Variants in DTX2 observed in about 807,000 individuals in gnomAD.
The protein encoded by DTX2 is probable E3 ubiquitin-protein ligase DTX2.
A neutral mutation model predicts 55.3 loss-of-function variants in DTX2; 29 were observed. The ratio of observed to expected loss-of-function variants is 0.52; its 90% CI spans 0.39 to 0.71. The LOEUF (loss-of-function observed/expected upper bound fraction) is 0.71. Ranked by LOEUF, DTX2 falls within the 30% of genes least tolerant of loss-of-function variation. DTX2 has a pLI of 0.00. For missense variants in DTX2, 537 were observed against 822.5 expected (o/e 0.65, Z 4.25); for synonymous variants, 276 against 340.4 (o/e 0.81, Z 2.08).
At chr7:76,482,443 A>G in intron 3 of DTX2, 65 bp from the exon 4 acceptor site, 1 of 1,501,344 alleles carries the variant, frequency 6.7e-7, no homozygotes, top group Non-Finnish European at 8.9e-7. Flanking sequence ...TGAAAAAAGA[A>G]TTTGAACGTT....
intron 6 of DTX2, among the ~76,000 whole-genome samples, chr7:76,498,835 A>AGGGTGTGTG (rs1436314030): frequency 1.0e-5 from 1 of 95,438 alleles, no homozygotes; most frequent in Non-Finnish European, 2.0e-5. Flanking sequence ...TGTAGAGGTG[A>AGGGTGTGTG]GGGTGTGTGG....
At chr7:76,486,909 C>G (rs1302867782) in intron 4 of DTX2, among the ~76,000 whole-genome samples, 1 of 111,974 alleles carries the variant, frequency 8.9e-6, no homozygotes, top group Non-Finnish European at 1.9e-5. Context: ...AAAGAACTCA[C>G]TTCCTCTTCC....
chr7:76,480,806 T>C, intron 3 of DTX2, 29 bp downstream of exon 3: 1 of 1,553,854 alleles, frequency 6.4e-7, no homozygotes, highest in Non-Finnish European at 8.7e-7. Context: ...CTCGCACATA[T>C]CTGGGTGCCG....
intron 2 of DTX2, among the ~76,000 whole-genome samples, chr7:76,472,715 C>T (rs1808079964): frequency 6.7e-6 from 1 of 149,796 alleles, no homozygotes; most frequent in Non-Finnish European, 1.5e-5. Context: ...TCAAACAAAA[C>T]GTCTCCTATA....
chr7:76,463,148 C>G (rs1328346047), intron 1 of DTX2, among the ~76,000 whole-genome samples: 2 of 150,200 alleles, frequency 1.3e-5, no homozygotes, highest in East Asian at 4.0e-4. Flanking sequence ...CGTGGTGACT[C>G]GAGCCTATAA....
rs780539494 is a variant in DTX2 at position 76,482,512 on chromosome 7, C to T, written c.273C>T (p.Thr91=). The change falls in exon 4 of 11, where the codon ACC becomes ACT. Residue 91 remains threonine, a synonymous_variant. Coordinates refer to ENST00000430490, the MANE Select transcript of DTX2 (RefSeq NM_001102594.3). ...SWTQFRQDTG[T]MRAVRRHLFP... Reference sequence around the variant, plus strand: ...TTTGTTTTCCTTTGAAAATAGGCACCATGCGGGCTGTGCGGAGACACCTGT... The same window carrying T: ...TTTGTTTTCCTTTGAAAATAGGCACTATGCGGGCTGTGCGGAGACACCTGT... The T allele has an allele frequency of 4.4e-6, 7 of 1,590,746 alleles. No individual in the cohort carries two copies. The African/African-American group carries it at 6.7e-5, about 15-fold the overall frequency.
chr7:76,480,066 G>A (rs1485526728), intron 2 of DTX2, among the ~76,000 whole-genome samples: 1 of 109,696 alleles, frequency 9.1e-6, no homozygotes, highest in Non-Finnish European at 1.9e-5. Context: ...CCCAGCACTT[G>A]GGAAGGCTGA....
rs7398 is a variant in DTX2 at position 76,505,817 on chromosome 7, G to A, written c.*216G>A. The A allele has an allele frequency of 0.38, 232,714 of 615,852 alleles. 45,680 individuals are homozygous for A. The highest frequency in any genetic ancestry group is 0.45 in the East Asian group (16,258 of 36,282). The allele number at this position is 615,852 out of a possible 1,614,324, so 38.1% of individuals were successfully genotyped here. A position where few individuals can be genotyped will look rare whatever the true frequency, so the allele number is the denominator to read the frequency against. ...GGGCAGTTGTACTCATGGGGGCTTA[G>A]GATGCAGCTACCTCAGTGCGCAGGG... On this transcript the variant is annotated 3_prime_UTR_variant, in exon 11 of 11. Coordinates refer to ENST00000430490, the MANE Select transcript of DTX2 (RefSeq NM_001102594.3). This position sits in a 1 kb window ranked among gnomAD's most constrained non-coding sequence, Gnocchi z 4.4.
Position 76,505,949 on chromosome 7 carries a change from CT to C in DTX2, c.*352del. The C allele has an allele frequency of 2.3e-6, 1 of 442,926 alleles. No individual in the cohort carries two copies. Among genetic ancestry groups the C allele is most frequent in the Non-Finnish European group, 4.1e-6 (1 of 242,470 alleles). 27.4% of individuals were successfully genotyped at this position (442,926 alleles called of 1,614,324 possible). A position where few individuals can be genotyped will look rare whatever the true frequency, so the allele number is the denominator to read the frequency against. On this transcript the variant is annotated 3_prime_UTR_variant, in exon 11 of 11. Coordinates refer to ENST00000430490, the MANE Select transcript of DTX2 (RefSeq NM_001102594.3). This position sits in a 1 kb window ranked among gnomAD's most constrained non-coding sequence, Gnocchi z 4.4. Reference sequence around the variant, plus strand: ...ACGGGCGTGGGTTCTGGGTCAGCTTCTTTTACCTCAATTTTGTTTGCAATAA... The same window carrying C: ...ACGGGCGTGGGTTCTGGGTCAGCTTCTTTACCTCAATTTTGTTTGCAATAA...
intron 3 of DTX2, among the ~76,000 whole-genome samples, chr7:76,481,476 C>G (rs769623442): frequency 2.0e-5 from 3 of 152,130 alleles, no homozygotes; most frequent in African/African-American, 7.2e-5. Context: ...CATGAGCCAC[C>G]GCGCCTGGAC....
At chr7:76,480,307 A>G (rs945553513) in intron 2 of DTX2, 114 bp from the exon 3 acceptor site, 2 of 336,226 alleles carry the variant, frequency 5.9e-6, no homozygotes, top group African/African-American at 2.2e-5. Flanking sequence ...CCTGTAACCA[A>G]AAAAAAAAAA....
chr7:76,505,529 C>T lies in DTX2; in HGVS notation c.1797C>T (p.Pro599=), dbSNP rs138278579. Residue 599 remains proline, a synonymous_variant, in exon 11 of 11, where the codon CCC becomes CCT. Coordinates refer to ENST00000430490, the MANE Select transcript of DTX2 (RefSeq NM_001102594.3). This position sits in a 1 kb window ranked among gnomAD's most constrained non-coding sequence, Gnocchi z 4.4. ...RNITGHGYPD[P]NYLQNVLAEL... ...TTACGGGCCACGGCTATCCCGACCC[C>T]AACTACCTGCAGAACGTGCTGGCTG... 1.9e-6 allele frequency: 3 copies of T among 1,609,254 alleles called. No individual in the cohort carries two copies. In the African/African-American group the frequency reaches 4.0e-5, roughly 21 times the overall value.
At chr7:76,475,651 C>T (rs1184766080) in intron 2 of DTX2, among the ~76,000 whole-genome samples, 1 of 151,854 alleles carries the variant, frequency 6.6e-6, no homozygotes, top group Non-Finnish European at 1.5e-5. Context: ...TGCACTGCTG[C>T]ACTCCTGCCT....
At chr7:76,468,908 G>T (rs1807524431) in intron 2 of DTX2, among the ~76,000 whole-genome samples, 5 of 133,864 alleles carry the variant, frequency 3.7e-5, no homozygotes, top group Non-Finnish European at 3.2e-5. Flanking sequence ...GACTACAGGT[G>T]CACGCCACTA....
At chr7:76,464,591 C>T (rs572287651) in intron 2 of DTX2, among the ~76,000 whole-genome samples, 1 of 151,880 alleles carries the variant, frequency 6.6e-6, no homozygotes, top group South Asian at 2.1e-4. Context: ...GAGACAGTGC[C>T]GCTCTACGTT....
chr7:76,481,984 C>T (rs1329978417), intron 3 of DTX2, among the ~76,000 whole-genome samples: 1 of 151,864 alleles, frequency 6.6e-6, no homozygotes, highest in Non-Finnish European at 1.5e-5. Context: ...AGGCTCGAGC[C>T]GTCATGCCCA....
chr7:76,498,881 G>GGTGAGGGT (rs1811271082), intron 6 of DTX2, among the ~76,000 whole-genome samples: 1 of 89,694 alleles, frequency 1.1e-5, no homozygotes, highest in South Asian at 4.4e-4. Context: ...GGTGTGTGGA[G>GGTGAGGGT]GTGTGGGGTG....
intron 2 of DTX2, among the ~76,000 whole-genome samples, chr7:76,475,399 A>C (rs1808439708): frequency 6.6e-6 from 1 of 150,750 alleles, no homozygotes; most frequent in African/African-American, 2.4e-5. Context: ...AGGTAAAGAA[A>C]GAATAGCCCA....
intron 2 of DTX2, among the ~76,000 whole-genome samples, chr7:76,476,656 G>C (rs930855334): frequency 1.3e-5 from 2 of 150,928 alleles, no homozygotes; most frequent in Non-Finnish European, 3.0e-5. Flanking sequence ...GGGTCTGGAA[G>C]GATGGGCGTG....
Sources: allele counts gnomAD v4.1 joint callset (sites outside exome capture counted in the v4.1 genomes callset), GRCh38; gene constraint gnomAD v4.1.1; non-coding constraint Gnocchi (gnomAD v3.1); transcripts MANE v1.5; gene names NCBI Gene and HGNC (gene_info 2026-07-23, HGNC 2026-07-21).